The following ABCA4 variants were observed in gnomAD, a reference collection of about 807,000 sequenced individuals.
ABCA4 encodes the protein ATP binding cassette subfamily A member 4, also known as retinal-specific phospholipid-transporting ATPase ABCA4.
In ABCA4, 196 loss-of-function variants were observed where a neutral mutation model predicts 263.7. The observed-to-expected ratio is 0.74, with a 90% confidence interval of 0.66 to 0.84. The LOEUF (loss-of-function observed/expected upper bound fraction) is 0.84, where lower values mean the gene tolerates loss of function less well. ABCA4 is among the 40% of genes least tolerant of loss of function. ABCA4 has a pLI of 0.00. For synonymous variants in ABCA4, 1,133 were observed against 1,094.2 expected (o/e 1.04, Z -0.70); for missense variants, 2,792 against 2,855.1 (o/e 0.98, Z 0.50).
At chr1:93,998,168 C>T (rs988544419) in intron 47 of ABCA4, 58 bp from the exon 48 acceptor site, 4 of 1,612,456 alleles carry the variant, frequency 2.5e-6, no homozygotes, top group Admixed American at 1.7e-5. Flanking sequence ...CTAAGGTAAT[C>T]CCAAAATAAG....
Position 94,063,186 on chromosome 1 carries a change from A to G in ABCA4, c.1686T>C (p.Ser562=). ...TCTTATACTTCACGTGGGGTGGTAGAGAGCTGGTCCAGGGATACATGTCAG... is the reference window on the plus strand; with the variant it reads ...TCTTATACTTCACGTGGGGTGGTAGGGAGCTGGTCCAGGGATACATGTCAG... ...VFPDMYPWTS[S]LPPHVKYKIR... Residue 562 remains serine, a synonymous_variant, in exon 12 of 50, where the codon TCT becomes TCC. Transcript: ENST00000370225. 6.2e-7 allele frequency: 1 copy of G among 1,614,176 alleles called. No individual in the cohort carries two copies.
At chr1:94,082,874 C>A (rs962774733) in intron 7 of ABCA4, among the ~76,000 whole-genome samples, 1 of 152,162 alleles carries the variant, frequency 6.6e-6, no homozygotes, top group Non-Finnish European at 1.5e-5. Flanking sequence ...ATGTGCGCAT[C>A]TTTTTACAAA....
chr1:94,045,702 C>T (rs1049120932), intron 19 of ABCA4: 3 of 454,720 alleles, frequency 6.6e-6, no homozygotes, highest in Non-Finnish European at 1.3e-5. Context: ...CGATCAACCA[C>T]TAGAGGGAAA....
intron 8 of ABCA4, 61 bp downstream of exon 8, chr1:94,080,417 T>C (rs1312609699): frequency 6.8e-6 from 11 of 1,609,626 alleles, no homozygotes; most frequent in Non-Finnish European, 9.3e-6. Context: ...CCTAGAAGTG[T>C]TAAACCATCA....
rs749053239 is a variant in ABCA4, at chr1:94,062,674, T to C, written c.1840A>G (p.Met614Val). 5 of 1,614,124 alleles carry C rather than the reference T, an allele frequency of 3.1e-6. No individual in the cohort carries two copies. Among genetic ancestry groups the C allele is most frequent in the Admixed American group, 1.7e-5 (1 of 60,024 alleles). ...CTCCTTGTGATCCCCTGTTCAACCA[T>C]GTCCTGCAGATAGGCAAACCCGCCC... Reference protein sequence around the residue: ...IWGGFAYLQDMVEQGITRSQV... With the variant: ...IWGGFAYLQDVVEQGITRSQV... The change falls in exon 13 of 50, where the codon ATG (methionine) becomes GTG (valine). Residue 614 changes from methionine (M) to valine (V), a missense_variant. Transcript: ENST00000370225.
At chr1:94,069,359 A>G in intron 11 of ABCA4, among the ~76,000 whole-genome samples, 1 of 152,208 alleles carries the variant, frequency 6.6e-6, no homozygotes, top group East Asian at 1.9e-4. Context: ...TTGATGATCA[A>G]AGTGGGGAGC....
rs769352013 is a variant in ABCA4 at position 94,080,720 on chromosome 1, T to C, written c.859-2A>G. On this transcript the variant is annotated splice_acceptor_variant, in intron 7 of 49. Coordinates refer to ENST00000370225, the MANE Select transcript of ABCA4 (RefSeq NM_000350.3). LOFTEE classifies it high-confidence loss of function. Reference sequence around the variant, plus strand: ...CTGCATACTCGGCCGATGGATAAACTAGGGCAAGGCAAAGTCTTCAGGTTA... The same window carrying C: ...CTGCATACTCGGCCGATGGATAAACCAGGGCAAGGCAAAGTCTTCAGGTTA... 1 of 1,614,096 alleles carries C rather than the reference T, an allele frequency of 6.2e-7. No individual in the cohort carries two copies. The highest frequency in any genetic ancestry group is 1.3e-5 in the African/African-American group (1 of 75,014).
intron 35 of ABCA4, among the ~76,000 whole-genome samples, chr1:94,020,313 A>C (rs1350822278): frequency 6.6e-6 from 1 of 152,216 alleles, no homozygotes; most frequent in African/African-American, 2.4e-5. Flanking sequence ...CATCTGGCTG[A>C]GGGGTAAGTT....
At chr1:93,999,193 A>T (rs1028088677) in intron 47 of ABCA4, among the ~76,000 whole-genome samples, 34 of 150,984 alleles carry the variant, frequency 2.3e-4, no homozygotes, top group African/African-American at 8.1e-4. Context: ...TTACAGGTGC[A>T]TACCACCATG....
At chr1:94,028,963 T>G (rs2101032736) in intron 30 of ABCA4, among the ~76,000 whole-genome samples, 1 of 148,064 alleles carries the variant, frequency 6.8e-6, no homozygotes, top group South Asian at 2.2e-4. Context: ...ATACAGATAT[T>G]AAAAGTGATG....
intron 6 of ABCA4, among the ~76,000 whole-genome samples, chr1:94,097,734 GT>G (rs1165921193): frequency 1.3e-5 from 2 of 152,102 alleles, no homozygotes; most frequent in South Asian, 2.1e-4. Flanking sequence ...TCTCTGATGG[GT>G]TTTTTTGGTT....
chr1:93,993,367 G>C, intron 49 of ABCA4, 125 bp from the exon 50 acceptor site: 4 of 1,187,800 alleles, frequency 3.4e-6, no homozygotes, highest in Admixed American at 1.8e-5. Context: ...AGGGCACTGT[G>C]ATTCTGTCAG....
At chr1:93,997,739 C>T (rs1571239797) in intron 48 of ABCA4, 122 bp downstream of exon 48, 1 of 1,325,510 alleles carries the variant, frequency 7.5e-7, no homozygotes, top group Non-Finnish European at 1.1e-6. Flanking sequence ...CCCCAATAAA[C>T]AGAGGGCAAG....
intron 31 of ABCA4, 136 bp from the exon 32 acceptor site, chr1:94,023,554 A>T: frequency 1.3e-6 from 1 of 772,282 alleles, no homozygotes; most frequent in East Asian, 2.7e-5. Flanking sequence ...TATCCAAGCA[A>T]TGCGGAAGCC....
chr1:94,010,717 G>A (rs563754598), intron 40 of ABCA4, 83 bp downstream of exon 40: 329 of 1,598,238 alleles, frequency 2.1e-4, no homozygotes, highest in Admixed American at 1.2e-3. Flanking sequence ...GGGCTCCTGA[G>A]GAAAGAAATG....
At chr1:94,094,459 G>A (rs1662067329) in intron 6 of ABCA4, among the ~76,000 whole-genome samples, 1 of 152,156 alleles carries the variant, frequency 6.6e-6, no homozygotes, top group Non-Finnish European at 1.5e-5. Context: ...TGACAACAGA[G>A]CAGTGGTTGG....
Position 93,996,137 on chromosome 1 carries a change from C to G in ABCA4, c.6788G>C (p.Arg2263Pro), listed in dbSNP as rs281865407. The change falls in exon 49 of 50, where the codon CGA (arginine) becomes CCA (proline). Residue 2263 changes from arginine (R) to proline (P), a missense_variant. Transcript: ENST00000370225. Reference sequence around the variant, plus strand: ...GGCTTGTCGACTGGCTCCAGCAGCTCGAGGGTGCAGAGGGAGGTCATGACT... The same window carrying G: ...GGCTTGTCGACTGGCTCCAGCAGCTGGAGGGTGCAGAGGGAGGTCATGACT... Reference protein sequence around the residue: ...TESHDLPLHPRAAGASRQAQD With the variant: ...TESHDLPLHPPAAGASRQAQD 2.5e-6 allele frequency: 4 copies of G among 1,613,986 alleles called. No individual in the cohort carries two copies. Among genetic ancestry groups the G allele is most frequent in the Non-Finnish European group, 3.4e-6 (4 of 1,180,026 alleles).
At chr1:94,092,388 G>A (rs1661993078) in intron 6 of ABCA4, among the ~76,000 whole-genome samples, 1 of 152,220 alleles carries the variant, frequency 6.6e-6, no homozygotes, top group South Asian at 2.1e-4. Flanking sequence ...AGGCAACTGG[G>A]AGAATGTGGA....
chr1:94,023,237 A>G, intron 32 of ABCA4, 149 bp downstream of exon 32: 1 of 685,748 alleles, frequency 1.5e-6, no homozygotes, highest in Non-Finnish European at 2.6e-6. Flanking sequence ...GTCCCTAGCC[A>G]CATATTCTTC....
Sources: gnomAD v4.1 joint callset for allele counts (sites outside exome capture counted in the v4.1 genomes callset) on GRCh38, gnomAD v4.1.1 for gene constraint, MANE v1.5 for transcripts, NCBI Gene and HGNC (gene_info 2026-07-23, HGNC 2026-07-21) for gene names.